Variants in COL25A1 observed in about 807,000 individuals in gnomAD.
COL25A1 encodes the protein collagen alpha-1(XXV) chain.
A neutral mutation model predicts 128.4 loss-of-function variants in COL25A1; 103 were observed. The ratio of observed to expected loss-of-function variants is 0.80; its 90% CI spans 0.68 to 0.94. The LOEUF (loss-of-function observed/expected upper bound fraction) is 0.94. Ranked by LOEUF, COL25A1 falls within the 40% of genes least tolerant of loss-of-function variation. COL25A1 has a pLI of 0.00. For synonymous variants in COL25A1, 279 were observed against 277.2 expected (o/e 1.01, Z -0.06); for missense variants, 745 against 840.0 (o/e 0.89, Z 1.40).
chr4:108,845,589 T>C (rs544270981), intron 28 of COL25A1, among the ~76,000 whole-genome samples: 1 of 152,302 alleles, frequency 6.6e-6, no homozygotes, highest in African/African-American at 2.4e-5. Context: ...GGCTTTTAAC[T>C]TAGTTTTTAC....
At chr4:109,217,222 G>A (rs1778064773) in intron 3 of COL25A1, among the ~76,000 whole-genome samples, 1 of 151,920 alleles carries the variant, frequency 6.6e-6, no homozygotes. Flanking sequence ...TGGCAGATAT[G>A]CAATTTGTTA....
chr4:108,993,006 G>T (rs1483565785), intron 6 of COL25A1, among the ~76,000 whole-genome samples: 1 of 152,126 alleles, frequency 6.6e-6, no homozygotes, highest in Non-Finnish European at 1.5e-5. Flanking sequence ...AATAACATAT[G>T]CATTACCTGA....
chr4:109,113,875 C>G (rs1175960071), intron 3 of COL25A1, among the ~76,000 whole-genome samples: 1 of 152,038 alleles, frequency 6.6e-6, no homozygotes, highest in Non-Finnish European at 1.5e-5. Context: ...ATGAAATTAA[C>G]TAAGTAACTT....
At chr4:108,915,566 C>A (rs148580317) in intron 13 of COL25A1, among the ~76,000 whole-genome samples, 3 of 151,990 alleles carry the variant, frequency 2.0e-5, no homozygotes, top group Admixed American at 1.3e-4. Flanking sequence ...ATTTTTTATT[C>A]CCTAGTTTTT....
intron 3 of COL25A1, among the ~76,000 whole-genome samples, chr4:109,071,431 G>C (rs1211090732): frequency 6.6e-6 from 1 of 152,064 alleles, no homozygotes; most frequent in Non-Finnish European, 1.5e-5. Context: ...GGCAACAAAA[G>C]CCAAAATTGA....
At chr4:109,246,422 G>T (rs1295521913) in intron 3 of COL25A1, among the ~76,000 whole-genome samples, 1 of 151,944 alleles carries the variant, frequency 6.6e-6, no homozygotes, top group Non-Finnish European at 1.5e-5. Context: ...AGTCAAACAG[G>T]GTAAAGACAG....
At chr4:108,833,343 A>G (rs1733396253) in intron 31 of COL25A1, among the ~76,000 whole-genome samples, 1 of 152,210 alleles carries the variant, frequency 6.6e-6, no homozygotes, top group African/African-American at 2.4e-5. Context: ...GATGACTTAA[A>G]GGTATAATTC....
intron 37 of COL25A1, among the ~76,000 whole-genome samples, chr4:108,816,450 T>G (rs12054627): frequency 0.19 from 29,393 of 152,226 alleles, 3,177 homozygotes; most frequent in Non-Finnish European, 0.25. Context: ...AAGCATCTTG[T>G]GCATTTCCTC....
intron 6 of COL25A1, among the ~76,000 whole-genome samples, chr4:108,983,270 G>T (rs914271584): frequency 5.9e-5 from 9 of 151,924 alleles, no homozygotes; most frequent in African/African-American, 2.2e-4. Context: ...TCCTTTTGTC[G>T]AAAGAAAGTA....
At chr4:108,879,018 A>G (rs1420676760) in intron 19 of COL25A1, among the ~76,000 whole-genome samples, 1 of 152,220 alleles carries the variant, frequency 6.6e-6, no homozygotes, top group Non-Finnish European at 1.5e-5. Context: ...CTATTTTTAA[A>G]ATGTGATCTG....
intron 3 of COL25A1, among the ~76,000 whole-genome samples, chr4:109,178,079 C>T (rs1238226278): frequency 2.0e-5 from 3 of 152,046 alleles, no homozygotes; most frequent in African/African-American, 7.2e-5. Flanking sequence ...AATTTCTTGC[C>T]CTAATTCAGT....
chr4:108,819,894 T>TC, intron 35 of COL25A1: 3 of 1,223,322 alleles, frequency 2.5e-6, no homozygotes, highest in Non-Finnish European at 3.1e-6. Flanking sequence ...CTTTCCCTTT[T>TC]CCCCCTGTGG....
intron 4 of COL25A1, 92 bp downstream of exon 4, chr4:109,050,043 C>A: frequency 9.5e-7 from 1 of 1,054,410 alleles, no homozygotes; most frequent in Admixed American, 2.0e-5. Context: ...ATATAACCTC[C>A]AACAAGACAA....
In COL25A1 at chr4:109,050,032, CAT is replaced by C. The variant is rs930585725; in HGVS notation, c.412+101_412+102del. 5.6e-5 allele frequency: 49 copies of C among 882,542 alleles called. No individual in the cohort carries two copies. The Admixed American group carries it at 1.0e-3, about 18-fold the overall frequency. The allele number at this position is 882,542 out of a possible 1,614,324, so 54.7% of individuals were successfully genotyped here. A position where few individuals can be genotyped will look rare whatever the true frequency, so the allele number is the denominator to read the frequency against. On this transcript the variant is annotated intron_variant, in intron 4 of 37. Transcript: ENST00000399132. ...TAGCAGAGAAAGATTTAAACACACA[CAT>C]ATAACCTCCAACAAGACAATATTAT...
chr4:109,232,466 A>T (rs1779223899), intron 3 of COL25A1, among the ~76,000 whole-genome samples: 1 of 152,198 alleles, frequency 6.6e-6, no homozygotes, highest in South Asian at 2.1e-4. Flanking sequence ...ACTGTCTTCA[A>T]CAGAAAGATT....
chr4:108,874,552 C>T (rs551469797), intron 19 of COL25A1, among the ~76,000 whole-genome samples: 49 of 152,018 alleles, frequency 3.2e-4, no homozygotes, highest in Non-Finnish European at 5.4e-4. Flanking sequence ...TTAGAAATAA[C>T]ATGGGAACAT....
At chr4:109,194,864 A>T (rs985744682) in intron 3 of COL25A1, among the ~76,000 whole-genome samples, 6 of 152,178 alleles carry the variant, frequency 3.9e-5, no homozygotes, top group African/African-American at 1.4e-4. Flanking sequence ...GCTAACATTT[A>T]GGTATAATGT....
chr4:108,855,529 G>A (rs893206260), intron 24 of COL25A1, among the ~76,000 whole-genome samples: 1 of 151,816 alleles, frequency 6.6e-6, no homozygotes, highest in Non-Finnish European at 1.5e-5. Flanking sequence ...AAAAGGAAAG[G>A]GATTTTCAAA....
chr4:109,247,505 A>G (rs1304210318), intron 3 of COL25A1, among the ~76,000 whole-genome samples: 1 of 152,246 alleles, frequency 6.6e-6, no homozygotes, highest in East Asian at 1.9e-4. Flanking sequence ...AGACAAGCCT[A>G]CAGTCACTTG....
Sources: allele counts gnomAD v4.1 joint callset (sites outside exome capture counted in the v4.1 genomes callset), GRCh38; gene constraint gnomAD v4.1.1; transcripts MANE v1.5; gene names NCBI Gene and HGNC (gene_info 2026-07-23, HGNC 2026-07-21).